The following PLD5 variants were observed in gnomAD, a reference collection of about 807,000 sequenced individuals.
PLD5 encodes phospholipase D family member 5.
A neutral mutation model predicts 61.1 loss-of-function variants in PLD5; 36 were observed. The observed-to-expected ratio is 0.59, with a 90% CI of 0.45 to 0.78. The LOEUF (loss-of-function observed/expected upper bound fraction) is 0.78, where lower values mean the gene tolerates loss of function less well. PLD5 is among the 30% of genes least tolerant of loss of function. PLD5 has a pLI of 0.00. For missense variants in PLD5, 515 were observed against 644.4 expected (o/e 0.80, Z 2.17); for synonymous variants, 243 against 242.8 (o/e 1.00, Z -0.01).
intron 2 of PLD5, among the ~76,000 whole-genome samples, chr1:242,344,091 A>T (rs1481929229): frequency 2.6e-5 from 4 of 152,202 alleles, no homozygotes; most frequent in Non-Finnish European, 4.4e-5. Flanking sequence ...CCAGGAAGCT[A>T]AACAATAATT....
At chr1:242,462,632 A>C (rs1667153798) in intron 1 of PLD5, among the ~76,000 whole-genome samples, 1 of 151,844 alleles carries the variant, frequency 6.6e-6, no homozygotes, top group African/African-American at 2.4e-5. Flanking sequence ...GAAAAAAGGA[A>C]GAAAAATGAC....
chr1:242,299,628 T>C (rs1675914444), intron 2 of PLD5, among the ~76,000 whole-genome samples: 1 of 152,216 alleles, frequency 6.6e-6, no homozygotes, highest in South Asian at 2.1e-4. Context: ...TCCCCCCAAG[T>C]CATGAATGTC....
At chr1:242,164,468 CAT>C (rs1345990224) in intron 5 of PLD5, among the ~76,000 whole-genome samples, 1 of 151,820 alleles carries the variant, frequency 6.6e-6, no homozygotes, top group Non-Finnish European at 1.5e-5. Context: ...ACTGACGGGC[CAT>C]GTTAATCATC....
At chr1:242,460,841 TAAA>T (rs35991588) in intron 1 of PLD5, among the ~76,000 whole-genome samples, 7 of 147,870 alleles carry the variant, frequency 4.7e-5, no homozygotes, top group Admixed American at 1.3e-4. Flanking sequence ...TAAGCTCCAT[TAAA>T]AAAAAAAAGC....
At chr1:242,372,989 C>G (rs912819474) in intron 1 of PLD5, among the ~76,000 whole-genome samples, 1 of 152,102 alleles carries the variant, frequency 6.6e-6, no homozygotes, top group African/African-American at 2.4e-5. Context: ...AAGAAACTAC[C>G]ATCAGAGTGA....
intron 5 of PLD5, among the ~76,000 whole-genome samples, chr1:242,215,104 G>T (rs1396204000): frequency 6.7e-6 from 1 of 148,292 alleles, no homozygotes; most frequent in Non-Finnish European, 1.5e-5. Flanking sequence ...TAACCAGAAT[G>T]GTCTTGATCT....
At chr1:242,527,018 C>T (rs531211440), upstream of PLD5, among the ~76,000 whole-genome samples, 5 of 149,978 alleles carry the variant, frequency 3.3e-5, no homozygotes, top group Non-Finnish European at 7.4e-5. Context: ...AAATGGTTTC[C>T]ATATTGTGCC....
chr1:242,442,783 T>C (rs1014018829), intron 1 of PLD5, among the ~76,000 whole-genome samples: 1 of 152,230 alleles, frequency 6.6e-6, no homozygotes, highest in Admixed American at 6.5e-5. Context: ...TCAATTTGTA[T>C]GCAGTATTTA....
chr1:242,487,690 A>AATG (rs1336877676), intron 1 of PLD5, among the ~76,000 whole-genome samples: 6 of 152,172 alleles, frequency 3.9e-5, no homozygotes, highest in Non-Finnish European at 8.8e-5. Flanking sequence ...CCTAAAACTC[A>AATG]ATGATAACAA....
chr1:242,510,021 C>T (rs1668853516), intron 1 of PLD5, among the ~76,000 whole-genome samples: 1 of 152,206 alleles, frequency 6.6e-6, no homozygotes. Flanking sequence ...TCCCACCATA[C>T]TTCCTTCTCT....
intron 1 of PLD5, among the ~76,000 whole-genome samples, chr1:242,372,644 G>T (rs1446014429): frequency 6.6e-6 from 1 of 152,024 alleles, no homozygotes; most frequent in Non-Finnish European, 1.5e-5. Flanking sequence ...TACCACACAT[G>T]TACAACCATC....
chr1:242,175,233 T>G (rs181021904), intron 5 of PLD5, among the ~76,000 whole-genome samples: 1 of 152,104 alleles, frequency 6.6e-6, no homozygotes, highest in Non-Finnish European at 1.5e-5. Flanking sequence ...TCCAGCAGCA[T>G]ATGAAAAAGC....
At chr1:242,121,566 T>C (rs111745065) in intron 6 of PLD5, among the ~76,000 whole-genome samples, 10,996 of 152,152 alleles carry the variant, frequency 0.072, 445 homozygotes, top group Middle Eastern at 0.11. Flanking sequence ...AGAAATATCA[T>C]TTGACCCAGC....
rs534316381 is a variant in PLD5 at position 242,511,483 on chromosome 1, G to A, written c.189+12605C>T. On this transcript the variant is annotated intron_variant, in intron 1 of 9. Transcript: ENST00000536534. ...CCAAACAATAAAGATGAGCATCATC[G>A]ATCATGTCATGTAAATAGCATGTAT... Among the ~76,000 whole-genome samples the A allele has an allele frequency of 6.6e-5, 10 of 152,030 alleles. 2 individuals carry two copies. The East Asian group carries it at 1.5e-3, about 24-fold the overall frequency.
intron 1 of PLD5, among the ~76,000 whole-genome samples, chr1:242,412,521 T>C (rs1272267927): frequency 2.0e-5 from 3 of 152,186 alleles, no homozygotes; most frequent in Non-Finnish European, 4.4e-5. Context: ...GTCAAGAAAC[T>C]GGACAGTTCT....
At chr1:242,236,357 C>T (rs965873022) in intron 4 of PLD5, among the ~76,000 whole-genome samples, 1 of 152,156 alleles carries the variant, frequency 6.6e-6, no homozygotes, top group African/African-American at 2.4e-5. Flanking sequence ...CAAGAACTCC[C>T]AGAAACTATG....
In PLD5 at chr1:242,394,898, T is replaced by TTATATATGTA. The variant is rs1553366820; in HGVS notation, c.190-46657_190-46656insTACATATATA. Among the ~76,000 whole-genome samples the TTATATATGTA allele has an allele frequency of 5.7e-3, 587 of 102,560 alleles. 17 individuals are homozygous for TTATATATGTA. Among genetic ancestry groups the TTATATATGTA allele is most frequent in the African/African-American group, 0.022 (564 of 25,786 alleles). The allele number at this position is 102,560 out of a possible 152,430, so 67.3% of individuals were successfully genotyped here. On this transcript the variant is annotated intron_variant, in intron 1 of 9. Coordinates refer to ENST00000536534, the MANE Select transcript of PLD5 (RefSeq NM_001372062.1). ...TATATGAATATATGTATATATATGA[T>TTATATATGTA]TATATATGAATATATATGTATATAT...
At chr1:242,220,987 T>C (rs193189121) in intron 4 of PLD5, among the ~76,000 whole-genome samples, 1 of 152,326 alleles carries the variant, frequency 6.6e-6, no homozygotes, top group African/African-American at 2.4e-5. Flanking sequence ...TCCACTCGCC[T>C]CGGCCTTCCA....
intron 4 of PLD5, among the ~76,000 whole-genome samples, chr1:242,241,703 G>A (rs1405224293): frequency 6.6e-6 from 1 of 151,576 alleles, no homozygotes; most frequent in Non-Finnish European, 1.5e-5. Context: ...GGTTGGTGAG[G>A]TACAGGCTTC....
Sources: allele counts gnomAD v4.1 joint callset (sites outside exome capture counted in the v4.1 genomes callset), GRCh38; gene constraint gnomAD v4.1.1; transcripts MANE v1.5; gene names NCBI Gene and HGNC (gene_info 2026-07-23, HGNC 2026-07-21).